The following PRKAR1B variants were observed in gnomAD, a reference collection of about 807,000 sequenced individuals.
PRKAR1B encodes the protein cAMP-dependent protein kinase type I-beta regulatory subunit.
A neutral mutation model predicts 46.5 loss-of-function variants in PRKAR1B; 22 were observed. The observed-to-expected ratio is 0.47, with a 90% confidence interval of 0.34 to 0.68. PRKAR1B has a LOEUF of 0.68. Among genes scored for constraint, PRKAR1B ranks in the 30% least tolerant of loss-of-function variants. The pLI is 0.01. For missense variants in PRKAR1B, 445 were observed against 535.6 expected (o/e 0.83, Z 1.67); for synonymous variants, 259 against 217.7 (o/e 1.19, Z -1.67).
Position 560,862 on chromosome 7 carries a change from G to T in PRKAR1B, c.892-9392C>A, listed in dbSNP as rs1312589688. On this transcript the variant is annotated intron_variant, in intron 9 of 10. Coordinates refer to ENST00000537384, the MANE Select transcript of PRKAR1B (RefSeq NM_001164760.2). The surrounding 1 kb of genome is among the most constrained non-coding windows in gnomAD (Gnocchi z 4.2). ...TGGACAGACACCAAATGCCTTCTCA[G>T]GGCCACGGGGGCCACGACACGTTCC... Among the ~76,000 whole-genome samples, 1 of 152,170 alleles carries T rather than the reference G, an allele frequency of 6.6e-6. No individual in the cohort carries two copies. The highest frequency in any genetic ancestry group is 1.5e-5 in the Non-Finnish European group (1 of 68,030).
chr7:620,168 A>T (rs1783038002), intron 4 of PRKAR1B, among the ~76,000 whole-genome samples: 1 of 152,006 alleles, frequency 6.6e-6, no homozygotes, highest in Non-Finnish European at 1.5e-5. Flanking sequence ...CACATTTCCG[A>T]ATGTGTTTAC....
chr7:637,815 A>G (rs1197426969), intron 4 of PRKAR1B, among the ~76,000 whole-genome samples: 1 of 151,856 alleles, frequency 6.6e-6, no homozygotes, highest in East Asian at 1.9e-4. Context: ...CCTGGGGGAC[A>G]AGAGAGAGAC....
At position 680,598 on chromosome 7, in the gene PRKAR1B, G is replaced by A. The variant is rs763130825; in HGVS notation, c.306C>T (p.Ala102=). The change falls in exon 3 of 11, where the codon GCC becomes GCT. Residue 102 remains alanine (A), a synonymous_variant. Coordinates refer to ENST00000537384, the MANE Select transcript of PRKAR1B (RefSeq NM_001164760.2). ...CGGCGTCCTCCTCGGTGTACACCTC[G>A]GCACTCACGCCTCCTCGCCGGCGGC... The part of the protein sequence containing the change: ...KARRRRGGVS[A]EVYTEEDAVS... The A allele has an allele frequency of 4.3e-6, 7 of 1,612,956 alleles. No individual in the cohort carries two copies. The highest frequency in any genetic ancestry group is 1.7e-4 in the Middle Eastern group (1 of 6,040).
intron 4 of PRKAR1B, among the ~76,000 whole-genome samples, chr7:615,496 A>C (rs1399559975): frequency 6.6e-6 from 1 of 151,256 alleles, no homozygotes; most frequent in Non-Finnish European, 1.5e-5. Context: ...AAAAGAAAGG[A>C]AAGGAAAGGA....
chr7:628,713 C>A (rs547133943), intron 4 of PRKAR1B, among the ~76,000 whole-genome samples: 1 of 152,312 alleles, frequency 6.6e-6, no homozygotes, highest in African/African-American at 2.4e-5. Context: ...CAGGGCAACC[C>A]CGCCTACCCC....
chr7:691,887 T>C, intron 2 of PRKAR1B: 2 of 1,141,028 alleles, frequency 1.8e-6, no homozygotes, highest in South Asian at 1.9e-5. Flanking sequence ...TCTCTCAGAA[T>C]GGCACAGACG....
At chr7:640,765 AACACACACACACACAC>A (rs71546454) in intron 4 of PRKAR1B, among the ~76,000 whole-genome samples, 1 of 108,086 alleles carries the variant, frequency 9.3e-6, no homozygotes, top group Non-Finnish European at 1.9e-5. Context: ...CTCTGTCTCA[AACACACACACACACAC>A]ACACACACAC....
intron 6 of PRKAR1B, among the ~76,000 whole-genome samples, chr7:600,531 C>T (rs1349870331): frequency 1.3e-5 from 2 of 152,238 alleles, no homozygotes; most frequent in Non-Finnish European, 2.9e-5. Context: ...ACACAGAACA[C>T]AAGACACAAC....
chr7:619,274 C>A lies in PRKAR1B; in HGVS notation c.441-11822G>T, dbSNP rs554182633. ...CAGCCCTCAGGGGGAACCAGCCCTG[C>A]CCACATCTTGAGCTTGGACTTCTGG... On this transcript the variant is annotated intron_variant, in intron 4 of 10. Coordinates refer to ENST00000537384, the MANE Select transcript of PRKAR1B (RefSeq NM_001164760.2). 3.3e-5 allele frequency among the ~76,000 whole-genome samples: 5 copies of A among 152,312 alleles called. No individual in the cohort carries two copies. The South Asian group carries it at 8.3e-4, about 25-fold the overall frequency.
chr7:675,197 G>A (rs989651256), intron 4 of PRKAR1B, among the ~76,000 whole-genome samples: 4 of 152,216 alleles, frequency 2.6e-5, no homozygotes, highest in East Asian at 1.9e-4. Flanking sequence ...ACAATGGAAC[G>A]CTGTGCAGAT....
intron 2 of PRKAR1B, among the ~76,000 whole-genome samples, chr7:703,917 C>CA (rs1239350358): frequency 2.0e-5 from 3 of 151,914 alleles, no homozygotes; most frequent in African/African-American, 7.3e-5. Context: ...AGAGAGATAT[C>CA]AAAAAAATCC....
At chr7:727,323 C>T, upstream of PRKAR1B, 14 of 1,262,742 alleles carry the variant, frequency 1.1e-5, no homozygotes, top group South Asian at 2.5e-5. Flanking sequence ...CCGGTGAGCA[C>T]CCCGGGCCCC....
chr7:638,406 C>G (rs951904114), intron 4 of PRKAR1B, among the ~76,000 whole-genome samples: 1 of 152,224 alleles, frequency 6.6e-6, no homozygotes, highest in East Asian at 1.9e-4. Context: ...GATCGTCCCC[C>G]GGGGGCCTCG....
intron 8 of PRKAR1B, among the ~76,000 whole-genome samples, chr7:579,718 T>C (rs552103581): frequency 4.9e-4 from 75 of 152,394 alleles, no homozygotes; most frequent in Non-Finnish European, 7.1e-4. Flanking sequence ...GAAAATACTT[T>C]TGTTACTTCA....
At chr7:600,772 C>T (rs548857001) in intron 6 of PRKAR1B, among the ~76,000 whole-genome samples, 1 of 152,186 alleles carries the variant, frequency 6.6e-6, no homozygotes, top group Admixed American at 6.5e-5. Context: ...GGGGAAGAGT[C>T]GAGCCCCAAA....
At chr7:720,004 GGTAA>G (rs1355151363) in intron 1 of PRKAR1B, among the ~76,000 whole-genome samples, 1 of 151,358 alleles carries the variant, frequency 6.6e-6, no homozygotes, top group Non-Finnish European at 1.5e-5. Context: ...TGCTGTTGAT[GGTAA>G]GTGTGATTCC....
At chr7:698,554 G>C (rs1779895088) in intron 2 of PRKAR1B, among the ~76,000 whole-genome samples, 1 of 152,036 alleles carries the variant, frequency 6.6e-6, no homozygotes, top group Non-Finnish European at 1.5e-5. Context: ...ATCCAACTAA[G>C]TACATGTGTG....
At chr7:630,855 C>T (rs1783694460) in intron 4 of PRKAR1B, among the ~76,000 whole-genome samples, 1 of 152,208 alleles carries the variant, frequency 6.6e-6, no homozygotes, top group Admixed American at 6.5e-5. Flanking sequence ...GGAGCAGGGC[C>T]CACACGTGTG....
At chr7:577,345 G>A (rs148920903) in intron 9 of PRKAR1B, among the ~76,000 whole-genome samples, 198 of 152,302 alleles carry the variant, frequency 1.3e-3, no homozygotes, top group South Asian at 5.2e-3. Context: ...CGGGTGTTTC[G>A]GCGAGGACGG....
Sources: gnomAD v4.1 joint callset for allele counts (sites outside exome capture counted in the v4.1 genomes callset) on GRCh38, gnomAD v4.1.1 for gene constraint, Gnocchi (gnomAD v3.1) non-coding constraint, MANE v1.5 for transcripts, NCBI Gene and HGNC (gene_info 2026-07-23, HGNC 2026-07-21) for gene names.